Variants in HMG20A observed in about 807,000 individuals in gnomAD.
HMG20A encodes the protein high mobility group 20A, also known as high mobility group protein 20A.
HMG20A carries 17 observed loss-of-function variants against 43.9 expected under a neutral mutation model. The observed-to-expected ratio is 0.39, with a 90% CI of 0.27 to 0.58. The LOEUF is 0.58. Ranked by LOEUF, HMG20A falls within the 20% of genes least tolerant of loss-of-function variation. HMG20A has a pLI of 0.59. For missense variants in HMG20A, 341 were observed against 438.2 expected, an observed-to-expected ratio of 0.78 and a Z score of 1.98; for synonymous variants, 132 against 147.5, an observed-to-expected ratio of 0.89 and a Z score of 0.76.
At chr15:77,508,453 A>G in the HMG20A span, among the ~76,000 whole-genome samples, 2 of 152,186 alleles carry the variant, frequency 1.3e-5, no homozygotes, top group East Asian at 1.9e-4. Flanking sequence ...CTCTATGAAT[A>G]GTGAGTGTGA....
chr15:77,422,035 A>G (rs1375275704), intron 1 of HMG20A, among the ~76,000 whole-genome samples: 1 of 152,202 alleles, frequency 6.6e-6, no homozygotes, highest in African/African-American at 2.4e-5. Context: ...TCAGTAGCTC[A>G]TTTTTAATAA....
At chr15:77,423,976 A>G (rs1238157797) in intron 1 of HMG20A, among the ~76,000 whole-genome samples, 1 of 152,196 alleles carries the variant, frequency 6.6e-6, no homozygotes, top group Non-Finnish European at 1.5e-5. Context: ...TAGAGTGTCT[A>G]CTATATGCCA....
chr15:77,505,414 G>A, the HMG20A span, among the ~76,000 whole-genome samples: 103 of 152,300 alleles, frequency 6.8e-4, 2 homozygotes, highest in Non-Finnish European at 1.9e-4. Context: ...ATGCCCAGCT[G>A]GACAGAGCAA....
At chr15:77,456,599 G>A (rs2072656489) in intron 1 of HMG20A, among the ~76,000 whole-genome samples, 1 of 137,540 alleles carries the variant, frequency 7.3e-6, no homozygotes, top group Non-Finnish European at 1.5e-5. Flanking sequence ...AGAATCACCT[G>A]AACCTGGGAG....
the HMG20A span, among the ~76,000 whole-genome samples, chr15:77,505,406 G>A: frequency 2.0e-5 from 3 of 152,214 alleles, no homozygotes; most frequent in South Asian, 6.2e-4. Context: ...GTCACCAGAT[G>A]CCCAGCTGGA....
chr15:77,445,159 T>C (rs2073659289), intron 1 of HMG20A, among the ~76,000 whole-genome samples: 1 of 152,378 alleles, frequency 6.6e-6, no homozygotes, highest in African/African-American at 2.4e-5. Context: ...GCAGTCTTCA[T>C]TGGCTTTTGA....
At chr15:77,464,508 A>C (rs2072737009) in intron 3 of HMG20A, 121 bp downstream of exon 3, 1 of 925,014 alleles carries the variant, frequency 1.1e-6, no homozygotes, top group Admixed American at 2.9e-5. Flanking sequence ...TGATACCTGC[A>C]AAATTTTGTT....
the HMG20A span, among the ~76,000 whole-genome samples, chr15:77,496,221 T>C: frequency 2.6e-5 from 4 of 152,184 alleles, no homozygotes; most frequent in African/African-American, 9.7e-5. Context: ...TGGATATAAA[T>C]ATTGATTCTA....
intron 4 of HMG20A, among the ~76,000 whole-genome samples, chr15:77,468,467 A>G (rs977370103): frequency 2.6e-5 from 4 of 152,000 alleles, no homozygotes; most frequent in Admixed American, 1.3e-4. Context: ...ACATCCCAAC[A>G]CTCTTTACCC....
the HMG20A span, among the ~76,000 whole-genome samples, chr15:77,499,533 C>CA: frequency 1.3e-5 from 2 of 151,470 alleles, no homozygotes; most frequent in African/African-American, 4.8e-5. Flanking sequence ...ATGCTCCCCC[C>CA]CACACACACA....
intron 4 of HMG20A, among the ~76,000 whole-genome samples, chr15:77,470,130 T>A (rs1356191377): frequency 1.3e-5 from 2 of 152,224 alleles, no homozygotes; most frequent in African/African-American, 4.8e-5. Context: ...CAGTTGAGTA[T>A]CCCCTACATC....
chr15:77,438,735 T>G (rs2073577356), intron 1 of HMG20A, among the ~76,000 whole-genome samples: 1 of 152,144 alleles, frequency 6.6e-6, no homozygotes, highest in Non-Finnish European at 1.5e-5. Flanking sequence ...CTTGAAAAAA[T>G]GCCTGTTTAC....
At chr15:77,488,556 G>GA (rs1567411273), downstream of HMG20A, among the ~76,000 whole-genome samples, 1 of 152,038 alleles carries the variant, frequency 6.6e-6, no homozygotes, top group Non-Finnish European at 1.5e-5. Flanking sequence ...CAGGGTGGGG[G>GA]ATCAGTATCT....
intron 1 of HMG20A, among the ~76,000 whole-genome samples, chr15:77,446,806 CAAA>C (rs77491209): frequency 1.1e-4 from 8 of 74,738 alleles, no homozygotes; most frequent in Admixed American, 4.5e-4. Flanking sequence ...GACTCCGTCT[CAAA>C]AAAAAAAAAA....
chr15:77,508,486 G>A, the HMG20A span, among the ~76,000 whole-genome samples: 22 of 152,342 alleles, frequency 1.4e-4, no homozygotes, highest in African/African-American at 4.3e-4. Context: ...AGACAAGGAA[G>A]CTGAAGCTTG....
chr15:77,462,938 A>G (rs2072719146), intron 2 of HMG20A, among the ~76,000 whole-genome samples: 1 of 151,762 alleles, frequency 6.6e-6, no homozygotes, highest in South Asian at 2.1e-4. Context: ...TGGCCAGCTA[A>G]TTTTTTTATT....
At chr15:77,430,135 C>G (rs1037660313) in intron 1 of HMG20A, among the ~76,000 whole-genome samples, 1 of 152,154 alleles carries the variant, frequency 6.6e-6, no homozygotes, top group Non-Finnish European at 1.5e-5. Context: ...ACAAAACCTA[C>G]AATAAGAATG....
At chr15:77,475,013 C>T (rs1485939426) in intron 6 of HMG20A, among the ~76,000 whole-genome samples, 1 of 152,160 alleles carries the variant, frequency 6.6e-6, no homozygotes, top group Non-Finnish European at 1.5e-5. Context: ...AAGAAAGTGT[C>T]TATATCTCAT....
intron 1 of HMG20A, among the ~76,000 whole-genome samples, chr15:77,444,636 G>T (rs2142300889): frequency 6.6e-6 from 1 of 152,298 alleles, no homozygotes. Context: ...GGAAGTTGAA[G>T]TTTTATCATG....
Sources: allele counts gnomAD v4.1 joint callset (sites outside exome capture counted in the v4.1 genomes callset), GRCh38; gene constraint gnomAD v4.1.1; transcripts MANE v1.5; gene names NCBI Gene and HGNC (gene_info 2026-07-23, HGNC 2026-07-21).